Variants in TBC1D5 observed in about 807,000 individuals in gnomAD.
The protein encoded by TBC1D5 is TBC1 domain family, member 5.
A neutral mutation model predicts 100.3 loss-of-function variants in TBC1D5; 75 were observed. The ratio of observed to expected loss-of-function variants is 0.75; its 90% CI spans 0.62 to 0.91. TBC1D5 has a LOEUF of 0.91. TBC1D5 is among the 40% of genes least tolerant of loss of function. TBC1D5 has a pLI of 0.00. For missense variants in TBC1D5, 910 were observed against 942.4 expected (o/e 0.97, Z 0.45); for synonymous variants, 323 against 325.6 (o/e 0.99, Z 0.09).
intron 2 of TBC1D5, among the ~76,000 whole-genome samples, chr3:17,539,738 A>G (rs1327320023): frequency 1.3e-5 from 2 of 152,204 alleles, no homozygotes; most frequent in African/African-American, 4.8e-5. Context: ...TAAGAAGCTT[A>G]AAGTTTCATT....
At chr3:17,437,788 TAG>T (rs1386337032) in intron 3 of TBC1D5, among the ~76,000 whole-genome samples, 1 of 152,126 alleles carries the variant, frequency 6.6e-6, no homozygotes, top group Non-Finnish European at 1.5e-5. Flanking sequence ...AAGGGTTCCC[TAG>T]ATTATTCTGA....
chr3:17,270,639 T>C (rs759336205), intron 15 of TBC1D5, among the ~76,000 whole-genome samples: 17 of 152,230 alleles, frequency 1.1e-4, no homozygotes, highest in Non-Finnish European at 2.1e-4. Flanking sequence ...TTCTCACTTG[T>C]CAGTTTTTGT....
intron 1 of TBC1D5, among the ~76,000 whole-genome samples, chr3:17,732,160 A>G (rs933866435): frequency 6.6e-6 from 1 of 152,078 alleles, no homozygotes; most frequent in African/African-American, 2.4e-5. Flanking sequence ...TCTACTAAAA[A>G]TACAAAAATT....
At chr3:17,508,347 C>T in intron 3 of TBC1D5, 127 bp downstream of exon 3, 1 of 682,492 alleles carries the variant, frequency 1.5e-6, no homozygotes, top group Non-Finnish European at 2.6e-6. Flanking sequence ...GAATAACATA[C>T]TTAACACTGG....
At chr3:17,171,568 G>A (rs376214391) in intron 19 of TBC1D5, among the ~76,000 whole-genome samples, 7 of 152,128 alleles carry the variant, frequency 4.6e-5, no homozygotes, top group Non-Finnish European at 8.8e-5. Flanking sequence ...TAGATGCATC[G>A]CTCCAGTCTT....
intron 1 of TBC1D5, among the ~76,000 whole-genome samples, chr3:17,694,326 C>G (rs1222782978): frequency 1.3e-5 from 2 of 152,134 alleles, no homozygotes; most frequent in African/African-American, 4.8e-5. Flanking sequence ...TTGAACACAT[C>G]GCAAGGAAGC....
intron 1 of TBC1D5, among the ~76,000 whole-genome samples, chr3:17,676,264 G>C (rs186366589): frequency 5.9e-5 from 9 of 152,060 alleles, no homozygotes; most frequent in Admixed American, 5.9e-4. Context: ...TCTGCATTTT[G>C]TTTATGTTTT....
At chr3:17,237,252 T>G (rs572886652) in intron 17 of TBC1D5, among the ~76,000 whole-genome samples, 3 of 152,316 alleles carry the variant, frequency 2.0e-5, no homozygotes, top group Admixed American at 6.5e-5. Flanking sequence ...GGATTGCTTT[T>G]TAAGTATTTT....
intron 1 of TBC1D5, chr3:17,706,265 C>G (rs2074150635): frequency 3.2e-6 from 5 of 1,548,122 alleles, no homozygotes; most frequent in Middle Eastern, 2.3e-4. Context: ...TCTTCACATA[C>G]TCAGCTCTAA....
chr3:17,372,242 T>C (rs753964510), exon 13 of TBC1D5: 5 of 1,606,324 alleles, frequency 3.1e-6, no homozygotes, highest in African/African-American at 1.3e-5. Flanking sequence ...TCAGTGTTTC[T>C]TTCCCCTAAA....
intron 4 of TBC1D5, among the ~76,000 whole-genome samples, chr3:17,427,310 A>G (rs1469956386): frequency 6.6e-6 from 1 of 151,970 alleles, no homozygotes; most frequent in Non-Finnish European, 1.5e-5. Context: ...AAATAAAGAT[A>G]TCAAGTGTTT....
At chr3:17,338,383 A>C (rs2088280719) in intron 13 of TBC1D5, 1 of 152,160 alleles carries the variant, frequency 6.6e-6, no homozygotes. Context: ...TAATTATAGA[A>C]GCTGTTTAAC....
chr3:17,472,134 G>GTT (rs1005415597), intron 3 of TBC1D5, among the ~76,000 whole-genome samples: 1 of 145,198 alleles, frequency 6.9e-6, no homozygotes, highest in Non-Finnish European at 1.5e-5. Context: ...TATGAAAGGA[G>GTT]TTTTTTTTTT....
At chr3:17,168,637 C>T (rs544343330) in intron 19 of TBC1D5, among the ~76,000 whole-genome samples, 4 of 152,194 alleles carry the variant, frequency 2.6e-5, no homozygotes, top group East Asian at 1.9e-4. Flanking sequence ...CCTAGTCTCC[C>T]GGGGAAGTAC....
chr3:17,566,049 GA>G (rs548989768), intron 2 of TBC1D5, among the ~76,000 whole-genome samples: 1 of 151,512 alleles, frequency 6.6e-6, no homozygotes, highest in Non-Finnish European at 1.5e-5. Context: ...ATTCAGTAGA[GA>G]AAAAAAATCA....
intron 2 of TBC1D5, among the ~76,000 whole-genome samples, chr3:17,552,383 A>G (rs144191111): frequency 6.6e-6 from 1 of 152,278 alleles, no homozygotes; most frequent in East Asian, 1.9e-4. Context: ...AATAAATTGT[A>G]TAAATCATCT....
chr3:17,374,560 A>C lies in TBC1D5; in HGVS notation c.753-20T>G, dbSNP rs1187372279. ...ACTGCACTAAAAATAAAATAACACAATGCTATGTAACTTTCATTAAAATAA... is the reference window on the plus strand; with the variant it reads ...ACTGCACTAAAAATAAAATAACACACTGCTATGTAACTTTCATTAAAATAA... On this transcript the variant is annotated intron_variant, in intron 11 of 21. Transcript: ENST00000253692. 3 of 1,610,232 alleles carry C rather than the reference A, an allele frequency of 1.9e-6. No individual in the cohort carries two copies. The highest frequency in any genetic ancestry group is 2.7e-5 in the African/African-American group (2 of 74,634).
intron 4 of TBC1D5, among the ~76,000 whole-genome samples, chr3:17,410,468 G>T (rs1575761466): frequency 1.3e-5 from 2 of 152,198 alleles, no homozygotes; most frequent in African/African-American, 4.8e-5. Context: ...TATTATTTAA[G>T]AAATACATTT....
At chr3:17,478,117 G>A (rs915076949) in intron 3 of TBC1D5, among the ~76,000 whole-genome samples, 3 of 152,060 alleles carry the variant, frequency 2.0e-5, no homozygotes, top group South Asian at 2.1e-4. Context: ...TTAGGAAAAC[G>A]TTTGTTTTTT....
Sources: allele counts gnomAD v4.1 joint callset (sites outside exome capture counted in the v4.1 genomes callset), GRCh38; gene constraint gnomAD v4.1.1; transcripts MANE v1.5; gene names NCBI Gene and HGNC (gene_info 2026-07-23, HGNC 2026-07-21).